The following CCSER1 variants were observed in gnomAD, a reference collection of about 807,000 sequenced individuals.
CCSER1 encodes the protein serine-rich coiled-coil domain-containing protein 1.
In CCSER1, 41 loss-of-function variants were observed where a neutral mutation model predicts 82.0. The ratio of observed to expected loss-of-function variants is 0.50; its 90% CI spans 0.39 to 0.65. The LOEUF (loss-of-function observed/expected upper bound fraction) is 0.65. CCSER1 is among the 30% of genes least tolerant of loss of function. The pLI is 0.00. For synonymous variants in CCSER1, 414 were observed against 383.9 expected, an observed-to-expected ratio of 1.08 and a Z score of -0.92; for missense variants, 1,119 against 1,064.2, an observed-to-expected ratio of 1.05 and a Z score of -0.72.
intron 1 of CCSER1, among the ~76,000 whole-genome samples, chr4:90,271,852 ATATATATATATTTTTTTTTT>A (rs1303232265): frequency 4.1e-5 from 1 of 24,440 alleles, no homozygotes; most frequent in Non-Finnish European, 6.3e-5. Context: ...ATATATATAT[ATATATATATATTTTTTTTTT>A]TTTTTTTTTT....
At chr4:90,211,393 A>G (rs1739968870) in intron 1 of CCSER1, among the ~76,000 whole-genome samples, 1 of 152,236 alleles carries the variant, frequency 6.6e-6, no homozygotes, top group Non-Finnish European at 1.5e-5. Context: ...GGGAAGGAGA[A>G]TGATTGCATA....
At chr4:91,223,699 T>A (rs2149103782) in intron 10 of CCSER1, among the ~76,000 whole-genome samples, 1 of 152,140 alleles carries the variant, frequency 6.6e-6, no homozygotes, top group South Asian at 2.1e-4. Flanking sequence ...GAAGGAAGAT[T>A]GGAGACACAT....
chr4:91,499,667 C>T (rs1257170516), intron 10 of CCSER1, among the ~76,000 whole-genome samples: 1 of 151,762 alleles, frequency 6.6e-6, no homozygotes, highest in Non-Finnish European at 1.5e-5. Flanking sequence ...AGCCACTGAT[C>T]CTTTTACTGT....
At chr4:91,307,364 T>G (rs1424125748) in intron 10 of CCSER1, among the ~76,000 whole-genome samples, 1 of 151,944 alleles carries the variant, frequency 6.6e-6, no homozygotes, top group Non-Finnish European at 1.5e-5. Flanking sequence ...TATGATGCTT[T>G]TTTTTCTTTA....
intron 10 of CCSER1, among the ~76,000 whole-genome samples, chr4:91,403,276 C>G (rs536015902): frequency 6.6e-6 from 1 of 152,174 alleles, no homozygotes; most frequent in Non-Finnish European, 1.5e-5. Context: ...AGTCGCTTAT[C>G]AGATTAAGGA....
chr4:91,195,372 AG>A (rs1322486426), intron 10 of CCSER1, among the ~76,000 whole-genome samples: 10 of 152,216 alleles, frequency 6.6e-5, no homozygotes, highest in Non-Finnish European at 1.5e-4. Flanking sequence ...TAATGTATAA[AG>A]TATTGGTAAT....
At chr4:90,863,879 C>T (rs1006164178) in intron 8 of CCSER1, among the ~76,000 whole-genome samples, 15 of 151,808 alleles carry the variant, frequency 9.9e-5, no homozygotes, top group East Asian at 9.7e-4. Context: ...AGCCCTTTAG[C>T]GCTTTGTTGA....
At chr4:90,354,368 A>G (rs1036515837) in intron 3 of CCSER1, among the ~76,000 whole-genome samples, 1 of 152,226 alleles carries the variant, frequency 6.6e-6, no homozygotes, top group Non-Finnish European at 1.5e-5. Context: ...CATTATGTAT[A>G]TAAAATAACA....
chr4:90,983,034 C>T (rs1490583932), intron 9 of CCSER1, among the ~76,000 whole-genome samples: 1 of 151,770 alleles, frequency 6.6e-6, no homozygotes, highest in East Asian at 1.9e-4. Flanking sequence ...TTCTCATTTA[C>T]CAGTCAGCAG....
At chr4:91,419,774 G>A (rs930456190) in intron 10 of CCSER1, among the ~76,000 whole-genome samples, 7 of 151,932 alleles carry the variant, frequency 4.6e-5, no homozygotes, top group African/African-American at 1.5e-4. Flanking sequence ...AAAATCTGGA[G>A]ACATCACATG....
At chr4:90,959,020 C>CA (rs759771961) in intron 9 of CCSER1, among the ~76,000 whole-genome samples, 2 of 152,124 alleles carry the variant, frequency 1.3e-5, no homozygotes, top group Non-Finnish European at 2.9e-5. Flanking sequence ...TTACCAGTAA[C>CA]ACGTTAAAAT....
intron 10 of CCSER1, among the ~76,000 whole-genome samples, chr4:91,175,076 G>A (rs1258422161): frequency 6.6e-6 from 1 of 151,978 alleles, no homozygotes; most frequent in Admixed American, 6.6e-5. Context: ...TGTGGTGTTT[G>A]GTTTTCTGTC....
At chr4:90,499,229 A>ACTGT (rs953529378) in intron 5 of CCSER1, among the ~76,000 whole-genome samples, 9 of 152,054 alleles carry the variant, frequency 5.9e-5, no homozygotes, top group Middle Eastern at 6.8e-3. Context: ...TTAATTTGGT[A>ACTGT]CTGTCTTTTA....
Position 91,562,575 on chromosome 4 carries a change from C to T in CCSER1, c.2218-35997C>T, listed in dbSNP as rs938993135. On this transcript the variant is annotated intron_variant, in intron 10 of 10. Coordinates refer to ENST00000509176, the MANE Select transcript of CCSER1 (RefSeq NM_001145065.2). ...AGCACAAGACCTACTGATTCAGAAC[C>T]CTTGTTCCAGAGTCAAGAATTGTAG... Among the ~76,000 whole-genome samples the T allele has an allele frequency of 2.6e-5, 4 of 151,352 alleles. No homozygotes were observed. The East Asian group carries it at 7.8e-4, about 29-fold the overall frequency.
chr4:90,490,131 C>T (rs569790032), intron 5 of CCSER1, among the ~76,000 whole-genome samples: 18 of 152,286 alleles, frequency 1.2e-4, no homozygotes, highest in Middle Eastern at 6.8e-3. Flanking sequence ...AGTTTACAGT[C>T]CCACCAACAG....
chr4:90,787,336 C>T (rs1411688424), intron 7 of CCSER1, among the ~76,000 whole-genome samples: 1 of 152,186 alleles, frequency 6.6e-6, no homozygotes, highest in African/African-American at 2.4e-5. Context: ...TAACAAAAGA[C>T]TGTAGCAAAG....
chr4:91,073,975 G>A (rs1010456081), intron 9 of CCSER1, among the ~76,000 whole-genome samples: 2 of 152,090 alleles, frequency 1.3e-5, no homozygotes, highest in African/African-American at 4.8e-5. Context: ...ATCCAACAAT[G>A]TGTTTCTGTC....
At chr4:91,341,746 T>C (rs1021952497) in intron 10 of CCSER1, among the ~76,000 whole-genome samples, 2 of 152,198 alleles carry the variant, frequency 1.3e-5, no homozygotes, top group African/African-American at 4.8e-5. Flanking sequence ...TTTCACCATG[T>C]TGGCCAGTCT....
intron 10 of CCSER1, among the ~76,000 whole-genome samples, chr4:91,476,187 C>A (rs970713161): frequency 2.0e-5 from 3 of 151,652 alleles, no homozygotes; most frequent in African/African-American, 7.3e-5. Flanking sequence ...TATGGTAGTT[C>A]TATTTTTAAT....
Sources: gnomAD v4.1 joint callset for allele counts (sites outside exome capture counted in the v4.1 genomes callset) on GRCh38, gnomAD v4.1.1 for gene constraint, MANE v1.5 for transcripts, NCBI Gene and HGNC (gene_info 2026-07-23, HGNC 2026-07-21) for gene names.